Variants in OSBPL11 observed in about 807,000 individuals in gnomAD.
OSBPL11 encodes the protein oxysterol binding protein like 11.
Under a neutral mutation model 84.4 loss-of-function variants are expected in OSBPL11, and 33 were observed. That is an observed-to-expected ratio of 0.39 (90% confidence interval 0.30 to 0.52). OSBPL11 has a LOEUF of 0.52. Ranked by LOEUF, OSBPL11 falls within the 20% of genes least tolerant of loss-of-function variation. The probability of loss-of-function intolerance (pLI) is 0.72; values close to 1 mark genes in which losing one functional copy is unlikely to be tolerated. For synonymous variants in OSBPL11, 276 were observed against 310.2 expected, an observed-to-expected ratio of 0.89 and a Z score of 1.16; for missense variants, 736 against 901.1, an observed-to-expected ratio of 0.82 and a Z score of 2.35.
chr3:125,554,655 A>T (rs556898830), intron 8 of OSBPL11, among the ~76,000 whole-genome samples: 1 of 152,274 alleles, frequency 6.6e-6, no homozygotes, highest in African/African-American at 2.4e-5. Flanking sequence ...CAAAAATAAA[A>T]AATAATATCT....
At chr3:125,574,130 T>A (rs1936281767) in intron 5 of OSBPL11, among the ~76,000 whole-genome samples, 1 of 152,158 alleles carries the variant, frequency 6.6e-6, no homozygotes, top group African/African-American at 2.4e-5. Context: ...AAAGAAGTTA[T>A]TTGCCTTTTT....
chr3:125,543,974 T>C (rs67161632), intron 10 of OSBPL11, among the ~76,000 whole-genome samples: 33,023 of 152,162 alleles, frequency 0.22, 4,746 homozygotes, highest in African/African-American at 0.41. Context: ...TATTAATTTA[T>C]CTGGGACTAT....
chr3:125,566,736 T>G (rs2107602470), intron 6 of OSBPL11, among the ~76,000 whole-genome samples: 1 of 152,156 alleles, frequency 6.6e-6, no homozygotes, highest in South Asian at 2.1e-4. Flanking sequence ...ACAATTAATT[T>G]CAACAAATAG....
rs2107617119 is a variant in OSBPL11, at chr3:125,595,328, T to G, written c.-528A>C. On this transcript the variant is annotated 5_prime_UTR_variant, in exon 1 of 13. Transcript: ENST00000296220. ...CGGCGCGCGCAGCCGGGGAGGAGGG[T>G]CGGGGAATGAGGCCGCCGGGGGCGG... Among the ~76,000 whole-genome samples, 1 of 146,304 alleles carries G rather than the reference T, an allele frequency of 6.8e-6. No homozygotes were observed.
At chr3:125,569,557 A>G (rs1936212463) in intron 5 of OSBPL11, among the ~76,000 whole-genome samples, 1 of 152,152 alleles carries the variant, frequency 6.6e-6, no homozygotes, top group East Asian at 1.9e-4. Flanking sequence ...ACGCAGAACC[A>G]CTCTGAAATA....
At position 125,576,313 on chromosome 3, in the gene OSBPL11, G is replaced by T; in HGVS notation, c.542C>A (p.Ser181Tyr). The change falls in exon 5 of 13, where the codon TCT (serine) becomes TAT (tyrosine). Residue 181 changes from serine (S) to tyrosine (Y), a missense_variant. Physicochemically the swap from Ser to Tyr is moderately radical, Grantham distance 144. Transcript: ENST00000296220. ...ACTTGGTCTCCTCTGCGATATAGGA[G>T]AATTACTACTAGATGCAAGTGAGAA... ...RSFSLASSSN[S>Y]PISQRRPSQN... 1 of 1,608,144 alleles carries T rather than the reference G, an allele frequency of 6.2e-7. No homozygotes were observed. The highest frequency in any genetic ancestry group is 8.5e-7 in the Non-Finnish European group (1 of 1,178,408).
At chr3:125,551,457 T>TC (rs1420137257) in intron 9 of OSBPL11, among the ~76,000 whole-genome samples, 2 of 152,036 alleles carry the variant, frequency 1.3e-5, no homozygotes, top group African/African-American at 4.8e-5. Flanking sequence ...TTTCTAGTTT[T>TC]CCAAATATTT....
At chr3:125,554,841 A>C (rs1334122701) in intron 8 of OSBPL11, among the ~76,000 whole-genome samples, 2 of 152,200 alleles carry the variant, frequency 1.3e-5, no homozygotes, top group East Asian at 3.8e-4. Flanking sequence ...TGAGAGAACA[A>C]TAAAAGACCA....
chr3:125,589,886 T>C (rs1380896056), intron 1 of OSBPL11, among the ~76,000 whole-genome samples: 61 of 152,202 alleles, frequency 4.0e-4, no homozygotes, highest in Non-Finnish European at 5.9e-5. Flanking sequence ...ATGAGGAAAA[T>C]AGATTTATCT....
At position 125,563,592 on chromosome 3, in the gene OSBPL11, T is replaced by G. The variant is rs1430025538; in HGVS notation, c.1014+106A>C. On this transcript the variant is annotated intron_variant, in intron 7 of 12. Transcript: ENST00000296220. ...GTTTTAGAATCTTCAAGAGTGTTGCTCAGGTGTTAAGTTGATGTGCATGAG... is the reference window on the plus strand; with the variant it reads ...GTTTTAGAATCTTCAAGAGTGTTGCGCAGGTGTTAAGTTGATGTGCATGAG... 2.9e-6 allele frequency: 3 copies of G among 1,052,582 alleles called. No homozygotes were observed. In the East Asian group the frequency reaches 7.1e-5, roughly 25 times the overall value. 65.2% of individuals were successfully genotyped at this position (1,052,582 alleles called of 1,614,324 possible).
At chr3:125,548,435 T>C in intron 9 of OSBPL11, among the ~76,000 whole-genome samples, 1 of 152,160 alleles carries the variant, frequency 6.6e-6, no homozygotes, top group Non-Finnish European at 1.5e-5. Context: ...TGCCAAATTA[T>C]AAAATATTTA....
chr3:125,581,074 T>C (rs1326982849), intron 2 of OSBPL11, among the ~76,000 whole-genome samples: 1 of 151,446 alleles, frequency 6.6e-6, no homozygotes, highest in Non-Finnish European at 1.5e-5. Flanking sequence ...ATTTCAGAAA[T>C]TCCAATTTAA....
intron 1 of OSBPL11, 52 bp from the exon 2 acceptor site, chr3:125,583,030 G>T (rs1314179367): frequency 7.7e-7 from 1 of 1,306,012 alleles, no homozygotes; most frequent in African/African-American, 1.5e-5. Context: ...GAAATCCCAG[G>T]AGGATAATGG....
intron 1 of OSBPL11, among the ~76,000 whole-genome samples, chr3:125,583,650 G>A (rs1335649259): frequency 6.6e-6 from 1 of 151,328 alleles, no homozygotes; most frequent in African/African-American, 2.4e-5. Context: ...CAACACTTTG[G>A]GAGATCAAGA....
At chr3:125,534,951 G>GGAA (rs375718027) in intron 11 of OSBPL11, among the ~76,000 whole-genome samples, 3 of 64,640 alleles carry the variant, frequency 4.6e-5, no homozygotes, top group Admixed American at 1.9e-4. Flanking sequence ...TAAGAAATTA[G>GGAA]AAAAAAAAAA....
At chr3:125,564,080 A>C (rs1936118682) in intron 6 of OSBPL11, among the ~76,000 whole-genome samples, 1 of 152,226 alleles carries the variant, frequency 6.6e-6, no homozygotes, top group Non-Finnish European at 1.5e-5. Flanking sequence ...TCAACCCTGA[A>C]TAGGACTGAA....
intron 2 of OSBPL11, among the ~76,000 whole-genome samples, chr3:125,580,586 G>C (rs1936409874): frequency 6.6e-6 from 1 of 151,430 alleles, no homozygotes; most frequent in African/African-American, 2.4e-5. Context: ...TCAGCTGAGG[G>C]AGAGGCATTT....
intron 6 of OSBPL11, 56 bp downstream of exon 6, chr3:125,567,338 G>C: frequency 7.1e-7 from 1 of 1,408,108 alleles, no homozygotes; most frequent in Non-Finnish European, 1.0e-6. Context: ...AACAAATACA[G>C]TCCTTTCCAT....
In OSBPL11 at chr3:125,552,298, G is replaced by A; in HGVS notation, c.1537C>T (p.Pro513Ser). 1 of 1,614,064 alleles carries A rather than the reference G, an allele frequency of 6.2e-7. No individual in the cohort carries two copies. Among genetic ancestry groups the A allele is most frequent in the Non-Finnish European group, 8.5e-7 (1 of 1,180,006 alleles). The change falls in exon 9 of 13, where the codon CCT becomes TCT. Residue 513 changes from proline (P) to serine (S), a missense_variant. Pro to Ser is a moderately conservative substitution (Grantham distance 74, BLOSUM62 -1). Coordinates refer to ENST00000296220, the MANE Select transcript of OSBPL11 (RefSeq NM_022776.5). Reference protein sequence around the residue: ...RFVAEQVSHHPPVSGFYAECT... With the variant: ...RFVAEQVSHHSPVSGFYAECT... ...TCTGCATAAAATCCTGAGACTGGAG[G>A]ATGATGAGAAACCTGCTCAGCAACA...
Sources: gnomAD v4.1 joint callset for allele counts (sites outside exome capture counted in the v4.1 genomes callset) on GRCh38, gnomAD v4.1.1 for gene constraint, MANE v1.5 for transcripts, NCBI Gene and HGNC (gene_info 2026-07-23, HGNC 2026-07-21) for gene names.